IMMP2L: variants seen among roughly 807,000 people sequenced by gnomAD.
The protein encoded by IMMP2L is inner mitochondrial membrane peptidase subunit 2.
Under a neutral mutation model 19.3 loss-of-function variants are expected in IMMP2L, and 18 were observed. That is an observed-to-expected ratio of 0.93 (90% CI 0.64 to 1.38). IMMP2L has a LOEUF of 1.38. Ranked by LOEUF, IMMP2L falls within the 40% of genes most tolerant of loss-of-function variation. IMMP2L has a pLI of 0.00. For missense variants in IMMP2L, 233 were observed against 218.2 expected (o/e 1.07, Z -0.43); for synonymous variants, 76 against 73.0 (o/e 1.04, Z -0.21).
intron 5 of IMMP2L, among the ~76,000 whole-genome samples, chr7:110,789,207 T>G (rs971506287): frequency 2.0e-5 from 3 of 151,790 alleles, no homozygotes; most frequent in Non-Finnish European, 4.4e-5. Flanking sequence ...GCTTTAGATA[T>G]TGTCGAATAG....
In IMMP2L at chr7:111,500,322, C is replaced by T. The variant is rs184092250; in HGVS notation, c.136-12981G>A. On this transcript the variant is annotated intron_variant, in intron 2 of 5. Transcript: ENST00000405709. ...AAGCAGCCCTGAAGCTCGAACTACG[C>T]GGAGACTACCACAGCTCAAGGAGGC... Among the ~76,000 whole-genome samples, 14 of 152,268 alleles carry T rather than the reference C, an allele frequency of 9.2e-5. 1 individual carries two copies. In the East Asian group the frequency reaches 9.7e-4, roughly 11 times the overall value.
At chr7:111,561,641 G>A (rs563611866) in intron 1 of IMMP2L, among the ~76,000 whole-genome samples, 2 of 152,212 alleles carry the variant, frequency 1.3e-5, no homozygotes, top group South Asian at 2.1e-4. Flanking sequence ...ACATGCCCAA[G>A]CTGTTAAACT....
intron 3 of IMMP2L, among the ~76,000 whole-genome samples, chr7:111,382,524 T>C (rs1487537041): frequency 6.6e-6 from 1 of 151,904 alleles, no homozygotes; most frequent in African/African-American, 2.4e-5. Flanking sequence ...TTAACTATAA[T>C]AAAAAAATAA....
At chr7:111,195,694 A>G (rs1007627261) in intron 3 of IMMP2L, among the ~76,000 whole-genome samples, 9 of 1,552 alleles carry the variant, frequency 5.8e-3, no homozygotes, top group African/African-American at 0.039. Flanking sequence ...GTTCCTTTTT[A>G]TGAGTGTCGA....
chr7:110,957,663 G>A (rs1050048877), intron 4 of IMMP2L, among the ~76,000 whole-genome samples: 17 of 151,910 alleles, frequency 1.1e-4, no homozygotes, highest in Admixed American at 1.1e-3. Context: ...AACCATGCTG[G>A]CTTCTTGTAC....
At chr7:111,279,156 T>C (rs1344657505) in intron 3 of IMMP2L, among the ~76,000 whole-genome samples, 1 of 152,172 alleles carries the variant, frequency 6.6e-6, no homozygotes, top group Non-Finnish European at 1.5e-5. Flanking sequence ...GGCTATTTTA[T>C]GGAAGTGATA....
chr7:110,982,541 A>C (rs1169677255), intron 3 of IMMP2L, among the ~76,000 whole-genome samples: 1 of 152,118 alleles, frequency 6.6e-6, no homozygotes, highest in African/African-American at 2.4e-5. Flanking sequence ...TGATCCCTGG[A>C]GGTGGTCATA....
intron 3 of IMMP2L, among the ~76,000 whole-genome samples, chr7:111,102,147 A>AG (rs1354210652): frequency 6.6e-6 from 1 of 151,584 alleles, no homozygotes; most frequent in Non-Finnish European, 1.5e-5. Context: ...TACAGATTTT[A>AG]GGTCACTTGT....
intron 5 of IMMP2L, chr7:110,665,039 T>C (rs1277776063): frequency 6.6e-6 from 1 of 152,154 alleles, no homozygotes; most frequent in Non-Finnish European, 1.5e-5. Context: ...CAAAAACACA[T>C]TGTTTACACA....
intron 3 of IMMP2L, among the ~76,000 whole-genome samples, chr7:110,987,169 A>G (rs573924401): frequency 1.3e-5 from 2 of 152,296 alleles, no homozygotes; most frequent in East Asian, 3.9e-4. Flanking sequence ...AGAAAGAAGC[A>G]GGTTGAACTA....
At chr7:110,680,873 G>A (rs979727176) in intron 5 of IMMP2L, among the ~76,000 whole-genome samples, 5 of 152,146 alleles carry the variant, frequency 3.3e-5, no homozygotes, top group African/African-American at 1.2e-4. Context: ...AGAGACATGA[G>A]TGCCAGAAAG....
chr7:111,288,972 T>A (rs753517379), intron 3 of IMMP2L, among the ~76,000 whole-genome samples: 2 of 152,138 alleles, frequency 1.3e-5, no homozygotes, highest in African/African-American at 4.8e-5. Flanking sequence ...GGCACACATA[T>A]GTTTATTGCG....
At chr7:111,299,606 C>G (rs1822004143) in intron 3 of IMMP2L, among the ~76,000 whole-genome samples, 1 of 148,576 alleles carries the variant, frequency 6.7e-6, no homozygotes, top group African/African-American at 2.5e-5. Flanking sequence ...GCGTGATTAT[C>G]TACTTAAAAA....
chr7:111,032,781 C>T (rs1267283040), intron 3 of IMMP2L, among the ~76,000 whole-genome samples: 4 of 151,898 alleles, frequency 2.6e-5, no homozygotes, highest in South Asian at 2.1e-4. Context: ...AAGATTGCTC[C>T]ACTGCATTCA....
intron 3 of IMMP2L, among the ~76,000 whole-genome samples, chr7:111,467,326 T>C (rs73426224): frequency 0.094 from 14,281 of 152,176 alleles, 850 homozygotes; most frequent in African/African-American, 0.15. Context: ...CATAGTAAGC[T>C]CTTAAAAACT....
At chr7:110,745,627 C>T (rs1797284098) in intron 5 of IMMP2L, among the ~76,000 whole-genome samples, 1 of 152,114 alleles carries the variant, frequency 6.6e-6, no homozygotes, top group Non-Finnish European at 1.5e-5. Context: ...ATTTTCAAAC[C>T]AGAATTTCAT....
At chr7:110,910,360 C>A (rs1812922674) in intron 4 of IMMP2L, among the ~76,000 whole-genome samples, 1 of 152,168 alleles carries the variant, frequency 6.6e-6, no homozygotes, top group South Asian at 2.1e-4. Flanking sequence ...ATGAGAGCTG[C>A]ATTTTAATCA....
chr7:111,469,936 C>A (rs181007835), intron 3 of IMMP2L, among the ~76,000 whole-genome samples: 33 of 152,164 alleles, frequency 2.2e-4, no homozygotes, highest in South Asian at 1.0e-3. Context: ...AGTCAACAGG[C>A]AACCTACAAA....
At position 111,355,295 on chromosome 7, in the gene IMMP2L, C is replaced by G. The variant is rs577234458; in HGVS notation, c.239+131943G>C. ...TAAAAATATAATGTACATAATAATACTAATGCATGACATCAGTTTGGTGAA... is the reference window on the plus strand; with the variant it reads ...TAAAAATATAATGTACATAATAATAGTAATGCATGACATCAGTTTGGTGAA... On this transcript the variant is annotated intron_variant, in intron 3 of 5. Coordinates refer to ENST00000405709, the MANE Select transcript of IMMP2L (RefSeq NM_032549.4). Among the ~76,000 whole-genome samples the G allele has an allele frequency of 7.5e-4, 114 of 151,696 alleles. 1 individual carries two copies. The highest frequency in any genetic ancestry group is 1.4e-3 in the Non-Finnish European group (95 of 67,768).
Sources: gnomAD v4.1 joint callset for allele counts (sites outside exome capture counted in the v4.1 genomes callset) on GRCh38, gnomAD v4.1.1 for gene constraint, MANE v1.5 for transcripts, NCBI Gene and HGNC (gene_info 2026-07-23, HGNC 2026-07-21) for gene names.